Variants in RBFOX3 observed in about 807,000 individuals in gnomAD.
RBFOX3 encodes the protein RNA binding protein fox-1 homolog 3.
RBFOX3 carries 17 observed loss-of-function variants against 48.7 expected under a neutral mutation model. That is an observed-to-expected ratio of 0.35 (90% CI 0.24 to 0.52). The LOEUF (loss-of-function observed/expected upper bound fraction) is 0.52, where lower values mean the gene tolerates loss of function less well. Among genes scored for constraint, RBFOX3 ranks in the 20% least tolerant of loss-of-function variants. RBFOX3 has a pLI of 0.94. For missense variants in RBFOX3, 382 were observed against 497.5 expected (o/e 0.77, Z 2.21); for synonymous variants, 212 against 209.5 (o/e 1.01, Z -0.10).
chr17:79,112,793 C>T (rs970514479), intron 5 of RBFOX3, among the ~76,000 whole-genome samples: 14 of 151,764 alleles, frequency 9.2e-5, no homozygotes, highest in African/African-American at 3.1e-4. Context: ...AAGGAAGTCC[C>T]CTTGGGCGAG....
intron 2 of RBFOX3, among the ~76,000 whole-genome samples, chr17:79,343,654 C>T (rs376761197): frequency 6.6e-6 from 1 of 152,304 alleles, no homozygotes; most frequent in East Asian, 1.9e-4. Context: ...GATCAGGTGT[C>T]ACCTGGGATG....
At chr17:79,410,270 T>C (rs989435939) in intron 2 of RBFOX3, among the ~76,000 whole-genome samples, 3 of 152,208 alleles carry the variant, frequency 2.0e-5, no homozygotes, top group African/African-American at 7.2e-5. Flanking sequence ...TGCACAGTCT[T>C]AGCTGCTCCC....
At chr17:79,095,763 A>G (rs2075105115) in intron 12 of RBFOX3, among the ~76,000 whole-genome samples, 189 bp from the exon 13 acceptor site, 1 of 152,218 alleles carries the variant, frequency 6.6e-6, no homozygotes. Flanking sequence ...GTTCTGGTCT[A>G]ACACAGGACC....
chr17:79,165,057 A>G (rs2047719491), intron 4 of RBFOX3, among the ~76,000 whole-genome samples: 1 of 152,146 alleles, frequency 6.6e-6, no homozygotes, highest in East Asian at 1.9e-4. Context: ...CCTGAACAAA[A>G]GCAGCCGGGC....
intron 2 of RBFOX3, among the ~76,000 whole-genome samples, chr17:79,369,298 C>T (rs1340735989): frequency 2.0e-5 from 3 of 152,296 alleles, no homozygotes; most frequent in Non-Finnish European, 2.9e-5. Flanking sequence ...CCAAAGGCAC[C>T]GGAGTTTCTA....
At position 79,421,109 on chromosome 17, in the gene RBFOX3, A is replaced by T. The variant is rs1347925385; in HGVS notation, c.-175+61345T>A. Among the ~76,000 whole-genome samples, 1 of 152,104 alleles carries T rather than the reference A, an allele frequency of 6.6e-6. No individual in the cohort carries two copies. The highest frequency in any genetic ancestry group is 1.5e-5 in the Non-Finnish European group (1 of 67,998). ...GGGTGAGCCTCCCCAGGTGCTGTCA[A>T]ACATCAGTGCCAGGAAGATGACACC... On this transcript the variant is annotated intron_variant, in intron 2 of 14. Transcript: ENST00000693108. The surrounding 1 kb of genome is among the most constrained non-coding windows in gnomAD (Gnocchi z 4.5).
intron 1 of RBFOX3, among the ~76,000 whole-genome samples, chr17:79,579,634 G>A (rs1463453144): frequency 6.6e-6 from 1 of 152,026 alleles, no homozygotes; most frequent in African/African-American, 2.4e-5. Context: ...GAGCCATCAG[G>A]AGATGGAGCA....
At chr17:79,488,812 C>A (rs766581390) in intron 1 of RBFOX3, among the ~76,000 whole-genome samples, 62 of 152,286 alleles carry the variant, frequency 4.1e-4, no homozygotes, top group Non-Finnish European at 6.9e-4. Context: ...ATCACAGCTG[C>A]GCTTTCTCCT....
chr17:79,645,985 T>C, the RBFOX3 span, among the ~76,000 whole-genome samples: 1 of 152,186 alleles, frequency 6.6e-6, no homozygotes, highest in Non-Finnish European at 1.5e-5. Flanking sequence ...TCTCTTTACA[T>C]CCACCTCTCT....
At position 79,283,051 on chromosome 17, in the gene RBFOX3, G is replaced by C. The variant is rs554025227; in HGVS notation, c.-74+24673C>G. ...ACAATCTGAGTGATTTTGTTTTCAA[G>C]GCAGGCCTGGAAAGTTTTCATTTTC... On this transcript the variant is annotated intron_variant, in intron 3 of 14. Transcript: ENST00000693108. 2.6e-5 allele frequency among the ~76,000 whole-genome samples: 4 copies of C among 152,302 alleles called. No homozygotes were observed. In the East Asian group the frequency reaches 5.8e-4, roughly 22 times the overall value.
intron 4 of RBFOX3, among the ~76,000 whole-genome samples, chr17:79,157,205 C>A (rs1296608402): frequency 1.3e-5 from 2 of 152,172 alleles, no homozygotes; most frequent in African/African-American, 4.8e-5. Flanking sequence ...CGTCTCCCAC[C>A]CCAGGGGCCC....
At chr17:79,527,873 G>A (rs935915514) in intron 1 of RBFOX3, among the ~76,000 whole-genome samples, 14 of 152,154 alleles carry the variant, frequency 9.2e-5, no homozygotes, top group Non-Finnish European at 1.5e-4. Context: ...GGGGCGGTTC[G>A]GGGTCTCAGC....
intron 13 of RBFOX3, among the ~76,000 whole-genome samples, chr17:79,095,169 T>G (rs1411036817): frequency 6.6e-6 from 1 of 150,914 alleles, no homozygotes; most frequent in Non-Finnish European, 1.5e-5. Flanking sequence ...GGAAAGGCAC[T>G]AGGCTAGGTT....
chr17:79,522,537 G>T (rs2086244006), intron 1 of RBFOX3, among the ~76,000 whole-genome samples: 2 of 152,006 alleles, frequency 1.3e-5, no homozygotes, highest in African/African-American at 4.8e-5. Context: ...GTTGTATTAA[G>T]ACGGCATCAC....
chr17:79,648,828 G>A, the RBFOX3 span, among the ~76,000 whole-genome samples: 5 of 152,170 alleles, frequency 3.3e-5, no homozygotes, highest in African/African-American at 9.6e-5. Context: ...GATACAAGCC[G>A]TTTCACACCT....
At chr17:79,381,155 G>A (rs1361597794) in intron 2 of RBFOX3, among the ~76,000 whole-genome samples, 2 of 152,018 alleles carry the variant, frequency 1.3e-5, no homozygotes, top group Non-Finnish European at 2.9e-5. Context: ...AGCTACTCAG[G>A]AGGCTGAGGC....
chr17:79,431,325 T>G (rs1255185394), intron 2 of RBFOX3, among the ~76,000 whole-genome samples: 11 of 152,190 alleles, frequency 7.2e-5, no homozygotes, highest in Non-Finnish European at 1.5e-4. Context: ...CACATTTTCT[T>G]TTTTTGAGAC....
chr17:79,608,783 G>A (rs2093897463), intron 1 of RBFOX3, among the ~76,000 whole-genome samples: 3 of 152,140 alleles, frequency 2.0e-5, no homozygotes, highest in Admixed American at 1.3e-4. Flanking sequence ...AGCGGTGAGC[G>A]AGGCGCCCAC....
chr17:79,465,369 T>C (rs1479019712), intron 2 of RBFOX3, among the ~76,000 whole-genome samples: 1 of 152,162 alleles, frequency 6.6e-6, no homozygotes, highest in Non-Finnish European at 1.5e-5. Flanking sequence ...CCAGAAACAA[T>C]CTCACGCAAT....
Sources: gnomAD v4.1 joint callset for allele counts (sites outside exome capture counted in the v4.1 genomes callset) on GRCh38, gnomAD v4.1.1 for gene constraint, Gnocchi (gnomAD v3.1) non-coding constraint, MANE v1.5 for transcripts, NCBI Gene and HGNC (gene_info 2026-07-23, HGNC 2026-07-21) for gene names.